CALR: variants seen among roughly 807,000 people sequenced by gnomAD.
The protein encoded by CALR is calreticulin.
A neutral mutation model predicts 51.1 loss-of-function variants in CALR; 15 were observed. The ratio of observed to expected loss-of-function variants is 0.29; its 90% CI spans 0.20 to 0.45. The LOEUF (loss-of-function observed/expected upper bound fraction) is 0.45, where lower values mean the gene tolerates loss of function less well. CALR is among the 20% of genes least tolerant of loss of function. CALR has a pLI of 1.00. For synonymous variants in CALR, 239 were observed against 205.9 expected, an observed-to-expected ratio of 1.16 and a Z score of -1.38; for missense variants, 477 against 530.6, an observed-to-expected ratio of 0.90 and a Z score of 0.99.
chr19:12,942,455 C>G (rs1247323349), intron 7 of CALR, among the ~76,000 whole-genome samples: 1 of 151,866 alleles, frequency 6.6e-6, no homozygotes, highest in East Asian at 1.9e-4. Context: ...TAGTAGGTAC[C>G]TGAAAAATAC....
rs746566117 is a variant in CALR at position 12,939,650 on chromosome 19, G to C, written c.397+19G>C. 4.4e-6 allele frequency: 7 copies of C among 1,602,012 alleles called. No homozygotes were observed. ...ATGTTTGGTGAGGGCCTGCTTCCTG[G>C]TGCTGATCTCTGTCCCATTAGTTAG... is the stretch of plus-strand genomic sequence containing the variant. On this transcript the variant is annotated intron_variant, in intron 3 of 8. Transcript: ENST00000316448.
At position 12,940,456 on chromosome 19, in the gene CALR, G is replaced by C; in HGVS notation, c.702+4G>C. On this transcript the variant is annotated splice_donor_region_variant and intron_variant, in intron 5 of 8. Coordinates refer to ENST00000316448, the MANE Select transcript of CALR (RefSeq NM_004343.4). ...TCCCACAGACTCCAAGCCTGAGGTT[G>C]GTGTTTGGGCAGGGGCTCTGCTCTC... 6.2e-7 allele frequency: 1 copy of C among 1,614,150 alleles called. No homozygotes were observed. The highest frequency in any genetic ancestry group is 8.5e-7 in the Non-Finnish European group (1 of 1,179,982).
intron 7 of CALR, among the ~76,000 whole-genome samples, chr19:12,942,360 CAAA>C (rs539049105): frequency 8.0e-6 from 1 of 124,828 alleles, no homozygotes. Context: ...GACTCTGTCC[CAAA>C]AAAAAAAAAA....
chr19:12,940,710 TACTC>T lies in CALR; in HGVS notation c.817-31_817-28del, dbSNP rs1022036281. 3.1e-6 allele frequency: 5 copies of T among 1,613,988 alleles called. No individual in the cohort carries two copies. In the African/African-American group the frequency reaches 4.0e-5, roughly 13 times the overall value. On this transcript the variant is annotated intron_variant, in intron 6 of 8. Transcript: ENST00000316448. ...CTCACAGTGGGGAGTGCACCAACCT[TACTC>T]ACCCTTCGGTTTCCTTCTCCCTTCT...
At chr19:12,942,287 C>A (rs550016890) in intron 7 of CALR, among the ~76,000 whole-genome samples, 16 of 149,836 alleles carry the variant, frequency 1.1e-4, no homozygotes, top group Non-Finnish European at 1.9e-4. Flanking sequence ...GACGTGAACC[C>A]GGGAGGCGGA....
rs1291994571 is a variant in CALR at position 12,939,112 on chromosome 19, A to G, written c.92-22A>G. 7.6e-6 allele frequency: 11 copies of G among 1,438,866 alleles called. No homozygotes were observed. The African/African-American group carries it at 1.3e-4, about 16-fold the overall frequency. The allele number at this position is 1,438,866 out of a possible 1,614,324, so 89.1% of individuals were successfully genotyped here. A position where few individuals can be genotyped will look rare whatever the true frequency, so the allele number is the denominator to read the frequency against. ...GGGATTAGCACAGCCGCTCTGACCT[A>G]CCCCTCTAATCCCCCACTTAGACGG... On this transcript the variant is annotated intron_variant, in intron 1 of 8. Coordinates refer to ENST00000316448, the MANE Select transcript of CALR (RefSeq NM_004343.4).
chr19:12,943,377 G>T (rs1971574691), intron 7 of CALR, 160 bp from the exon 8 acceptor site: 1 of 714,316 alleles, frequency 1.4e-6, no homozygotes, highest in Non-Finnish European at 2.5e-6. Context: ...ACCTCACCTG[G>T]CCTCTCCATC....
chr19:12,938,724 C>A lies in CALR; in HGVS notation c.45C>A (p.Ala15=). The A allele has an allele frequency of 6.2e-7, 1 of 1,611,558 alleles. No homozygotes were observed. Among genetic ancestry groups the A allele is most frequent in the Non-Finnish European group, 8.5e-7 (1 of 1,179,450 alleles). Residue 15 remains alanine, a synonymous_variant, in exon 1 of 9, where the codon GCC becomes GCA. Transcript: ENST00000316448. ...TGCTGCTCGGCCTCCTCGGCCTGGC[C>A]GTCGCCGAGCCTGCCGTCTACTTCA... ...VPLLLGLLGL[A]VAEPAVYFKE...
At position 12,943,518 on chromosome 19, in the gene CALR, C is replaced by G; in HGVS notation, c.961-19C>G. The G allele has an allele frequency of 6.2e-7, 1 of 1,610,364 alleles. No individual in the cohort carries two copies. The highest frequency in any genetic ancestry group is 8.5e-7 in the Non-Finnish European group (1 of 1,176,588). On this transcript the variant is annotated intron_variant, in intron 7 of 8. Transcript: ENST00000316448. ...CTATCGGGTATCACCTCTGACCATC[C>G]TTCCCATTCATCCTCCAGGTCAAGT...
At chr19:12,939,968 C>T in intron 3 of CALR, 85 bp from the exon 4 acceptor site, 3 of 984,000 alleles carry the variant, frequency 3.0e-6, no homozygotes, top group Non-Finnish European at 3.2e-6. Context: ...AGTTGAAGAA[C>T]CAGGTCTTCC....
chr19:12,942,267 G>A (rs1403495600), intron 7 of CALR, among the ~76,000 whole-genome samples: 1 of 151,548 alleles, frequency 6.6e-6, no homozygotes, highest in Non-Finnish European at 1.5e-5. Context: ...GGAGGCTGAG[G>A]CAAAAGGATG....
intron 7 of CALR, among the ~76,000 whole-genome samples, chr19:12,941,539 T>A (rs1048487659): frequency 3.3e-5 from 5 of 150,308 alleles, no homozygotes; most frequent in African/African-American, 4.9e-5. Context: ...TGGTGTGATC[T>A]CTGCTCACTG....
At chr19:12,941,832 G>A (rs1303992147) in intron 7 of CALR, among the ~76,000 whole-genome samples, 2 of 150,810 alleles carry the variant, frequency 1.3e-5, no homozygotes, top group Non-Finnish European at 3.0e-5. Context: ...TCGAACTCCT[G>A]GCCTCAGGTC....
In CALR at chr19:12,938,628, T is replaced by A. The variant is rs1026372838; in HGVS notation, c.-52T>A. 26 of 1,406,290 alleles carry A rather than the reference T, an allele frequency of 1.8e-5. No individual in the cohort carries two copies. Among genetic ancestry groups the A allele is most frequent in the Non-Finnish European group, 1.7e-5 (17 of 1,011,424 alleles). The allele number at this position is 1,406,290 out of a possible 1,614,324, so 87.1% of individuals were successfully genotyped here. A position where few individuals can be genotyped will look rare whatever the true frequency, so the allele number is the denominator to read the frequency against. On this transcript the variant is annotated 5_prime_UTR_variant, in exon 1 of 9. Coordinates refer to ENST00000316448, the MANE Select transcript of CALR (RefSeq NM_004343.4). The stretch of plus-strand genomic sequence containing the variant: ...GCGTCCGTCCGTACTGCAGAGCCGC[T>A]GCCGGAGGGTCGTTTTAAAGGGCCC...
At chr19:12,939,665 C>T (rs1971518775) in intron 3 of CALR, 34 bp downstream of exon 3, 4 of 1,572,560 alleles carry the variant, frequency 2.5e-6, no homozygotes, top group Non-Finnish European at 3.5e-6. Flanking sequence ...GATCTCTGTC[C>T]CATTAGTTAG....
chr19:12,943,463 C>A, intron 7 of CALR, 74 bp from the exon 8 acceptor site: 1 of 1,288,002 alleles, frequency 7.8e-7, no homozygotes, highest in South Asian at 1.2e-5. Flanking sequence ...GTTATAGGAA[C>A]ACAGGTGGAA....
At chr19:12,939,043 G>C in intron 1 of CALR, 91 bp from the exon 2 acceptor site, 2 of 813,002 alleles carry the variant, frequency 2.5e-6, no homozygotes, top group Non-Finnish European at 4.2e-6. Flanking sequence ...CTCCTTTCCT[G>C]TCCCCAGCAG....
At chr19:12,943,440 G>A in intron 7 of CALR, 97 bp from the exon 8 acceptor site, 1 of 1,037,856 alleles carries the variant, frequency 9.6e-7, no homozygotes, top group Non-Finnish European at 1.5e-6. Flanking sequence ...GATGCAGGCA[G>A]CAGAATATAG....
chr19:12,943,876 A>G lies in CALR; in HGVS notation c.1217A>G (p.Glu406Gly). Residue 406 changes from glutamate (E) to glycine (G), a missense_variant, in exon 9 of 9, where the codon GAG (glutamate) becomes GGG (glycine). Coordinates refer to ENST00000316448, the MANE Select transcript of CALR (RefSeq NM_004343.4). ...GAGGAGGACAAGGAGGAAGATGAGG[A>G]GGAAGATGTCCCCGGCCAGGCCAAG... is the stretch of plus-strand genomic sequence containing the variant. The part of the protein sequence containing the change: ...EDEEDKEEDE[E>G]EDVPGQAKDE... 1 of 1,590,920 alleles carries G rather than the reference A, an allele frequency of 6.3e-7. No homozygotes were observed. The highest frequency in any genetic ancestry group is 8.6e-7 in the Non-Finnish European group (1 of 1,169,202).
Sources: allele counts gnomAD v4.1 joint callset (sites outside exome capture counted in the v4.1 genomes callset), GRCh38; gene constraint gnomAD v4.1.1; transcripts MANE v1.5; gene names NCBI Gene and HGNC (gene_info 2026-07-23, HGNC 2026-07-21).